The following STXBP5 variants were observed in gnomAD, a reference collection of about 807,000 sequenced individuals.
STXBP5 encodes syntaxin-binding protein 5.
Under a neutral mutation model 152.4 loss-of-function variants are expected in STXBP5, and 50 were observed. The ratio of observed to expected loss-of-function variants is 0.33; its 90% CI spans 0.26 to 0.42. The LOEUF (loss-of-function observed/expected upper bound fraction) is 0.42. Among genes scored for constraint, STXBP5 ranks in the 10% least tolerant of loss-of-function variants. The pLI, the probability that STXBP5 is intolerant of heterozygous loss-of-function variation, is 1.00. For missense variants in STXBP5, 1,167 were observed against 1,388.6 expected, an observed-to-expected ratio of 0.84 and a Z score of 2.54; for synonymous variants, 492 against 494.7, an observed-to-expected ratio of 0.99 and a Z score of 0.07.
intron 25 of STXBP5, among the ~76,000 whole-genome samples, chr6:147,373,363 C>CAAAAA (rs11341887): frequency 3.0e-5 from 2 of 67,720 alleles, no homozygotes; most frequent in Non-Finnish European, 5.4e-5. Context: ...GAGACTGTCT[C>CAAAAA]AAAAAAAAAA....
intron 2 of STXBP5, among the ~76,000 whole-genome samples, chr6:147,213,432 A>G (rs866026978): frequency 8.2e-4 from 99 of 121,072 alleles, no homozygotes; most frequent in African/African-American, 2.8e-3. Flanking sequence ...ATAATTTTAT[A>G]TATGTGTGTG....
At chr6:147,213,499 T>C in intron 2 of STXBP5, among the ~76,000 whole-genome samples, 1 of 142,482 alleles carries the variant, frequency 7.0e-6, no homozygotes. Context: ...TATATATTTT[T>C]TCTTTTTCTT....
intron 21 of STXBP5, among the ~76,000 whole-genome samples, chr6:147,340,810 C>G (rs563828249): frequency 1.3e-5 from 2 of 152,098 alleles, no homozygotes; most frequent in Admixed American, 6.5e-5. Flanking sequence ...TTGAGCTTGA[C>G]TATTTGAAAG....
At chr6:147,314,199 A>ACG in intron 12 of STXBP5, 65 bp from the exon 13 acceptor site, 1 of 1,419,382 alleles carries the variant, frequency 7.0e-7, no homozygotes. Flanking sequence ...ACACACACAC[A>ACG]CACACACACA....
chr6:147,242,167 GT>G (rs1329713424), intron 4 of STXBP5, among the ~76,000 whole-genome samples: 2 of 138,502 alleles, frequency 1.4e-5, no homozygotes, highest in African/African-American at 2.7e-5. Context: ...CTGTGTCTTA[GT>G]TTTAAAAAAA....
At position 147,389,998 on chromosome 6, in the gene STXBP5, A is replaced by G. The variant is rs1786517174; in HGVS notation, c.*5243A>G. 6.6e-6 allele frequency: 1 copy of G among 151,966 alleles called. No individual in the cohort carries two copies. The allele number at this position is 151,966 out of a possible 1,614,324, so 9.4% of individuals were successfully genotyped here. ...AAAAAGAGCAAGATTAAGTTTTTCT[A>G]ACATTGTCCACTTCAGGGGCAAGCA... On this transcript the variant is annotated 3_prime_UTR_variant, in exon 28 of 28. Coordinates refer to ENST00000321680, the MANE Select transcript of STXBP5 (RefSeq NM_001127715.4).
intron 2 of STXBP5, among the ~76,000 whole-genome samples, chr6:147,215,432 G>A (rs991831856): frequency 6.6e-6 from 1 of 152,164 alleles, no homozygotes; most frequent in Non-Finnish European, 1.5e-5. Flanking sequence ...CCCAGGTGGA[G>A]TATAGTGGTG....
chr6:147,310,093 T>C lies in STXBP5; in HGVS notation c.927T>C (p.Phe309=). 1.9e-6 allele frequency: 3 copies of C among 1,543,736 alleles called. No individual in the cohort carries two copies. The highest frequency in any genetic ancestry group is 1.3e-5 in the South Asian group (1 of 78,762). Residue 309 remains phenylalanine, a synonymous_variant, in exon 10 of 28, where the codon TTT becomes TTC. Transcript: ENST00000321680. ...EFKTTRSGEP[F]IILSGGLSYD... ...TGTATTTTATTTCCAGGGAGCCTTT[T>C]ATTATTTTATCAGGAGGTTTGTCAT...
At chr6:147,319,828 CTTTTTTTTTTTTT>C (rs55948948) in intron 16 of STXBP5, among the ~76,000 whole-genome samples, 7 of 71,598 alleles carry the variant, frequency 9.8e-5, no homozygotes, top group African/African-American at 3.5e-4. Context: ...TATCTGGATT[CTTTTTTTTTTTTT>C]TTTTTTTTTT....
chr6:147,385,082 T>C lies in STXBP5; in HGVS notation c.*327T>C. The C allele has an allele frequency of 3.6e-6, 1 of 277,360 alleles. No homozygotes were observed. The allele number at this position is 277,360 out of a possible 1,614,324, so 17.2% of individuals were successfully genotyped here. ...CCTGGATCATTCCTGTATTAAACTT[T>C]CATATGCCAAAAGGGTTTGTGCCGT... is the stretch of plus-strand genomic sequence containing the variant. On this transcript the variant is annotated 3_prime_UTR_variant, in exon 28 of 28. Coordinates refer to ENST00000321680, the MANE Select transcript of STXBP5 (RefSeq NM_001127715.4).
chr6:147,313,861 C>T (rs755059089), intron 11 of STXBP5, 23 bp from the exon 12 acceptor site: 2 of 1,436,916 alleles, frequency 1.4e-6, no homozygotes, highest in East Asian at 2.3e-5. Flanking sequence ...TTAATAAATA[C>T]TTTTCTTTTT....
chr6:147,373,690 C>T, intron 25 of STXBP5, 41 bp from the exon 26 acceptor site: 1 of 1,460,590 alleles, frequency 6.8e-7, no homozygotes, highest in South Asian at 1.1e-5. Context: ...AGTTTAGTTT[C>T]CCTGAAATTT....
chr6:147,233,742 G>A (rs949752744), intron 2 of STXBP5, among the ~76,000 whole-genome samples: 5 of 151,412 alleles, frequency 3.3e-5, no homozygotes, highest in Admixed American at 2.0e-4. Flanking sequence ...GCCTATCACG[G>A]TGTGATTTGC....
chr6:147,337,438 A>G (rs1166686060), intron 19 of STXBP5, among the ~76,000 whole-genome samples: 4 of 152,068 alleles, frequency 2.6e-5, no homozygotes, highest in African/African-American at 9.7e-5. Flanking sequence ...GAGCTTTTGC[A>G]TGAGCTGTCA....
In STXBP5 at chr6:147,385,893, G is replaced by A. The variant is rs1313323957; in HGVS notation, c.*1138G>A. 1.3e-5 allele frequency: 2 copies of A among 151,996 alleles called. No individual in the cohort carries two copies. The highest frequency in any genetic ancestry group is 2.9e-5 in the Non-Finnish European group (2 of 67,948). The allele number at this position is 151,996 out of a possible 1,614,324, so 9.4% of individuals were successfully genotyped here. A position where few individuals can be genotyped will look rare whatever the true frequency, so the allele number is the denominator to read the frequency against. ...GCATCTGTTGTCAATAATTATATAA[G>A]AGTTTAGTCTGATGACCTACAAAAT... On this transcript the variant is annotated 3_prime_UTR_variant, in exon 28 of 28. Transcript: ENST00000321680.
intron 8 of STXBP5, among the ~76,000 whole-genome samples, chr6:147,285,510 T>C (rs1780917137): frequency 6.6e-6 from 1 of 150,500 alleles, no homozygotes; most frequent in African/African-American, 2.5e-5. Context: ...TCAAGCAAAA[T>C]TAATACAGGA....
At chr6:147,303,106 A>G (rs1781910047) in intron 9 of STXBP5, among the ~76,000 whole-genome samples, 1 of 152,134 alleles carries the variant, frequency 6.6e-6, no homozygotes, top group Non-Finnish European at 1.5e-5. Flanking sequence ...AAATATACCA[A>G]TTTCATAAAT....
At chr6:147,287,145 G>A (rs1318323084) in intron 8 of STXBP5, among the ~76,000 whole-genome samples, 6 of 143,294 alleles carry the variant, frequency 4.2e-5, no homozygotes, top group Non-Finnish European at 7.5e-5. Context: ...AACATTTATC[G>A]TTTGAGTTAC....
chr6:147,280,758 G>C (rs531800962), intron 8 of STXBP5, among the ~76,000 whole-genome samples: 1 of 152,026 alleles, frequency 6.6e-6, no homozygotes, highest in Non-Finnish European at 1.5e-5. Flanking sequence ...TAGCAGAAAA[G>C]GGTCACTAGC....
Sources: allele counts gnomAD v4.1 joint callset (sites outside exome capture counted in the v4.1 genomes callset), GRCh38; gene constraint gnomAD v4.1.1; transcripts MANE v1.5; gene names NCBI Gene and HGNC (gene_info 2026-07-23, HGNC 2026-07-21).